ADORA3: variants seen among roughly 807,000 people sequenced by gnomAD.
ADORA3 encodes the protein adenosine A3 receptor.
In ADORA3, 3 loss-of-function variants were observed where a neutral mutation model predicts 5.7. The observed-to-expected ratio is 0.52, with a 90% CI of 0.24 to 1.35. The LOEUF is 1.35. ADORA3 is among the 40% of genes most tolerant of loss of function. The pLI, the probability that ADORA3 is intolerant of heterozygous loss-of-function variation, is 0.17. For missense variants in ADORA3, 343 were observed against 389.0 expected (o/e 0.88, Z 0.99); for synonymous variants, 168 against 152.3 (o/e 1.10, Z -0.76).
chr1:111,503,509 T>C lies in ADORA3; in HGVS notation c.-155A>G. On this transcript the variant is annotated 5_prime_UTR_variant, in exon 1 of 2. Coordinates refer to ENST00000241356, the MANE Select transcript of ADORA3 (RefSeq NM_000677.4). Reference sequence around the variant, plus strand: ...CTTGCTCATTCCTACCCTTTTCTGGTGGGGTGATCTCTTGGAAACCCTTCT... The same window carrying C: ...CTTGCTCATTCCTACCCTTTTCTGGCGGGGTGATCTCTTGGAAACCCTTCT... 7.0e-7 allele frequency: 1 copy of C among 1,436,276 alleles called. No homozygotes were observed. Among genetic ancestry groups the C allele is most frequent in the African/African-American group, 1.4e-5 (1 of 69,812 alleles). 89.0% of individuals were successfully genotyped at this position (1,436,276 alleles called of 1,614,324 possible). A position where few individuals can be genotyped will look rare whatever the true frequency, so the allele number is the denominator to read the frequency against.
At chr1:111,502,397 C>T (rs1481218657) in intron 1 of ADORA3, among the ~76,000 whole-genome samples, 2 of 125,666 alleles carry the variant, frequency 1.6e-5, no homozygotes, top group African/African-American at 2.9e-5. Context: ...ATATAGGATA[C>T]ATATATTTAT....
At position 111,502,248 on chromosome 1, in the gene ADORA3, T is replaced by C. The variant is rs868112648; in HGVS notation, c.350+757A>G. On this transcript the variant is annotated intron_variant, in intron 1 of 1. Coordinates refer to ENST00000241356, the MANE Select transcript of ADORA3 (RefSeq NM_000677.4). ...TTATAATGAATATATAGGATATATT[T>C]ATTATAATAAATATATAGGATATAT... 1.1e-3 allele frequency among the ~76,000 whole-genome samples: 82 copies of C among 75,612 alleles called. 9 individuals are homozygous for C. Among genetic ancestry groups the C allele is most frequent in the African/African-American group, 3.3e-3 (55 of 16,740 alleles). 49.6% of individuals were successfully genotyped at this position (75,612 alleles called of 152,430 possible). A position where few individuals can be genotyped will look rare whatever the true frequency, so the allele number is the denominator to read the frequency against.
At chr1:111,501,578 G>A (rs980073343) in intron 1 of ADORA3, among the ~76,000 whole-genome samples, 6 of 152,186 alleles carry the variant, frequency 3.9e-5, no homozygotes, top group African/African-American at 1.4e-4. Context: ...TTCATTTTAT[G>A]AGGATAGTGC....
rs766923748 is a variant in ADORA3 at position 111,503,009 on chromosome 1, C to T, written c.346G>A (p.Val116Ile). The T allele has an allele frequency of 4.1e-5, 66 of 1,613,472 alleles. 1 individual carries two copies. Among genetic ancestry groups the T allele is most frequent in the South Asian group, 9.9e-5 (9 of 91,078 alleles). ...VDRYLRVKLT[V>I]RYKRVTTHRR... ...CCACCCCACGCCGCAGGCTACCTGA[C>T]GGTAAGCTTGACCCGCAAGTATCGG... Residue 116 changes from valine to isoleucine, a missense_variant, in exon 1 of 2, where the codon GTC becomes ATC. Transcript: ENST00000241356.
At position 111,500,151 on chromosome 1, in the gene ADORA3, G is replaced by A; in HGVS notation, c.756C>T (p.Ile252=). The change falls in exon 2 of 2, where the codon ATC becomes ATT. Residue 252 remains isoleucine (I), a synonymous_variant. Coordinates refer to ENST00000241356, the MANE Select transcript of ADORA3 (RefSeq NM_000677.4). ...SWLPLSIINC[I]IYFNGEVPQL... is the part of the protein sequence containing the mutation. ...GTGGTACCTCACCATTAAAGTAGAT[G>A]ATGCAGTTGATGATAGATAAAGGCA... 1 of 1,614,186 alleles carries A rather than the reference G, an allele frequency of 6.2e-7. No individual in the cohort carries two copies. The highest frequency in any genetic ancestry group is 8.5e-7 in the Non-Finnish European group (1 of 1,180,024).
chr1:111,502,277 C>T lies in ADORA3; in HGVS notation c.350+728G>A, dbSNP rs12136686. ...ATAATAAATATATAGGATATATATT[C>T]ATTATAATAAATATATAGGATATAT... On this transcript the variant is annotated intron_variant, in intron 1 of 1. Coordinates refer to ENST00000241356, the MANE Select transcript of ADORA3 (RefSeq NM_000677.4). Among the ~76,000 whole-genome samples the T allele has an allele frequency of 1.8e-3, 79 of 44,252 alleles. 14 individuals are homozygous for T. The highest frequency in any genetic ancestry group is 6.0e-3 in the South Asian group (9 of 1,490). The allele number at this position is 44,252 out of a possible 152,430, so 29.0% of individuals were successfully genotyped here.
At position 111,503,362 on chromosome 1, in the gene ADORA3, T is replaced by C. The variant is rs752949667; in HGVS notation, c.-8A>G. ...AGTGCTGTTGTTGGGCATCTTGCCT[T>C]CCCAGGGGAACCTCCACAGGGACAG... On this transcript the variant is annotated 5_prime_UTR_variant, in exon 1 of 2. Coordinates refer to ENST00000241356, the MANE Select transcript of ADORA3 (RefSeq NM_000677.4). 1 of 1,602,598 alleles carries C rather than the reference T, an allele frequency of 6.2e-7. No homozygotes were observed. The highest frequency in any genetic ancestry group is 1.3e-5 in the African/African-American group (1 of 74,906).
Position 111,500,087 on chromosome 1 carries a change from T to C in ADORA3, c.820A>G (p.Asn274Asp). Residue 274 changes from asparagine to aspartate, a missense_variant, in exon 2 of 2, where the codon AAC becomes GAC. Physicochemically the swap from Asn to Asp is conservative, Grantham distance 23. Coordinates refer to ENST00000241356, the MANE Select transcript of ADORA3 (RefSeq NM_000677.4). The part of the protein sequence containing the change: ...LYMGILLSHA[N>D]SMMNPIVYAY... ...TAGACGATAGGGTTCATCATGGAGT[T>C]GGCATGGGACAGCAGGATGCCCATG... The C allele has an allele frequency of 6.2e-7, 1 of 1,614,172 alleles. No individual in the cohort carries two copies. Among genetic ancestry groups the C allele is most frequent in the Non-Finnish European group, 8.5e-7 (1 of 1,180,020 alleles).
At chr1:111,501,563 C>T (rs1042820802) in intron 1 of ADORA3, among the ~76,000 whole-genome samples, 4 of 152,104 alleles carry the variant, frequency 2.6e-5, no homozygotes, top group African/African-American at 4.8e-5. Flanking sequence ...CATATGTTAA[C>T]GCATTTCATT....
intron 1 of ADORA3, among the ~76,000 whole-genome samples, 171 bp downstream of exon 1, chr1:111,502,834 C>G (rs1242914507): frequency 6.6e-6 from 1 of 151,934 alleles, no homozygotes; most frequent in African/African-American, 2.4e-5. Context: ...TGAGTCCCAG[C>G]CCATTGTTGC....
intron 1 of ADORA3, among the ~76,000 whole-genome samples, chr1:111,502,012 T>C (rs1050701078): frequency 4.2e-5 from 6 of 143,328 alleles, no homozygotes; most frequent in Non-Finnish European, 9.0e-5. Flanking sequence ...ATATAGGATA[T>C]ATATATTTAT....
chr1:111,499,636 A>G lies in ADORA3; in HGVS notation c.*314T>C, dbSNP rs567924048. ...ACTGGAGCCTTTTGTCAGTAAGTCA[A>G]CTAGGCACCCTTCAGGCTCCATGAC... is the stretch of plus-strand genomic sequence containing the variant. On this transcript the variant is annotated 3_prime_UTR_variant, in exon 2 of 2. Coordinates refer to ENST00000241356, the MANE Select transcript of ADORA3 (RefSeq NM_000677.4). The G allele has an allele frequency of 2.3e-5, 26 of 1,136,850 alleles. No individual in the cohort carries two copies. The highest frequency in any genetic ancestry group is 1.7e-4 in the East Asian group (3 of 17,932). The allele number at this position is 1,136,850 out of a possible 1,614,324, so 70.4% of individuals were successfully genotyped here.
chr1:111,499,869 T>C lies in ADORA3; in HGVS notation c.*81A>G. 1 of 1,551,782 alleles carries C rather than the reference T, an allele frequency of 6.4e-7. No homozygotes were observed. On this transcript the variant is annotated 3_prime_UTR_variant, in exon 2 of 2. Coordinates refer to ENST00000241356, the MANE Select transcript of ADORA3 (RefSeq NM_000677.4). The stretch of plus-strand genomic sequence containing the variant: ...AGTAATCAAGGATGTAAAAATCCCT[T>C]GGCCCAGGCATACAGGCCCTCAAGT...
chr1:111,502,215 TATATTTATTATAATGAATATATAGG>T (rs1286354161), intron 1 of ADORA3, among the ~76,000 whole-genome samples: 372 of 34,842 alleles, frequency 0.011, 9 homozygotes, highest in Non-Finnish European at 0.015. Flanking sequence ...ATATAGGATA[TATATTTATTATAATGAATATATAGG>T]ATATATTTAT....
chr1:111,500,810 G>A (rs1655136474), intron 1 of ADORA3: 1 of 546,800 alleles, frequency 1.8e-6, no homozygotes, highest in South Asian at 3.0e-5. Flanking sequence ...TTCTAAAGAA[G>A]AAAACTCTTG....
In ADORA3 at chr1:111,502,996, G is replaced by A. The variant is rs189651294; in HGVS notation, c.350+9C>T. On this transcript the variant is annotated intron_variant, in intron 1 of 1. Transcript: ENST00000241356. ...CCTCAATTGCTGCCCACCCCACGCC[G>A]CAGGCTACCTGACGGTAAGCTTGAC... 99 of 1,611,418 alleles carry A rather than the reference G, an allele frequency of 6.1e-5. No homozygotes were observed. Among genetic ancestry groups the A allele is most frequent in the East Asian group, 3.8e-4 (17 of 44,842 alleles).
Position 111,503,573 on chromosome 1 carries a change from C to G in ADORA3, c.-219G>C, listed in dbSNP as rs970070955. On this transcript the variant is annotated 5_prime_UTR_variant, in exon 1 of 2. Coordinates refer to ENST00000241356, the MANE Select transcript of ADORA3 (RefSeq NM_000677.4). Reference sequence around the variant, plus strand: ...TCATCACAGGTGGGTCACTTCCAGCCCCTTTATGCACCGCACATCCTCAAG... The same window carrying G: ...TCATCACAGGTGGGTCACTTCCAGCGCCTTTATGCACCGCACATCCTCAAG... 10 of 1,382,308 alleles carry G rather than the reference C, an allele frequency of 7.2e-6. No individual in the cohort carries two copies. The highest frequency in any genetic ancestry group is 9.4e-6 in the Non-Finnish European group (10 of 1,067,290). 85.6% of individuals were successfully genotyped at this position (1,382,308 alleles called of 1,614,324 possible). A position where few individuals can be genotyped will look rare whatever the true frequency, so the allele number is the denominator to read the frequency against.
At chr1:111,500,611 G>C in intron 1 of ADORA3, 55 bp from the exon 2 acceptor site, 1 of 1,540,160 alleles carries the variant, frequency 6.5e-7, no homozygotes, top group South Asian at 1.2e-5. Flanking sequence ...AAAGGGTAGG[G>C]GAGATGGAGC....
rs1376359674 is a variant in ADORA3 at position 111,500,109 on chromosome 1, C to G, written c.798G>C (p.Met266Ile). 1 of 1,613,996 alleles carries G rather than the reference C, an allele frequency of 6.2e-7. No individual in the cohort carries two copies. The highest frequency in any genetic ancestry group is 2.2e-5 in the East Asian group (1 of 44,894). ...NGEVPQLVLY[M>I]GILLSHANSM... Reference sequence around the variant, plus strand: ...AGTTGGCATGGGACAGCAGGATGCCCATGTACAGCACAAGCTGTGGTACCT... The same window carrying G: ...AGTTGGCATGGGACAGCAGGATGCCGATGTACAGCACAAGCTGTGGTACCT... The change falls in exon 2 of 2, where the codon ATG becomes ATC. Residue 266 changes from methionine to isoleucine, a missense_variant. Transcript: ENST00000241356.
Sources: allele counts gnomAD v4.1 joint callset (sites outside exome capture counted in the v4.1 genomes callset), GRCh38; gene constraint gnomAD v4.1.1; transcripts MANE v1.5; gene names NCBI Gene and HGNC (gene_info 2026-07-23, HGNC 2026-07-21).